PRH1: variants seen among roughly 807,000 people sequenced by gnomAD.
PRH1 encodes the protein salivary acidic proline-rich phosphoprotein 1/2.
A neutral mutation model predicts 7.9 loss-of-function variants in PRH1; 7 were observed. That is an observed-to-expected ratio of 0.89 (90% CI 0.50 to 1.67). PRH1 has a LOEUF of 1.67. PRH1 is among the 40% of genes most tolerant of loss of function. The pLI is 0.00. For synonymous variants in PRH1, 45 were observed against 80.8 expected (o/e 0.56, Z 2.38); for missense variants, 109 against 223.6 (o/e 0.49, Z 3.27).
chr12:11,157,419 C>T (rs1947286390), intron 1 of PRH1, among the ~76,000 whole-genome samples: 1 of 152,300 alleles, frequency 6.6e-6, no homozygotes, highest in East Asian at 1.9e-4. Context: ...ACAAGTCCAT[C>T]ATCAAGAGAG....
chr12:11,087,795 TTAAA>T (rs1296713986), intron 1 of PRH1, among the ~76,000 whole-genome samples: 2 of 115,098 alleles, frequency 1.7e-5, no homozygotes, highest in Non-Finnish European at 4.1e-5. Context: ...TACCATGAAC[TTAAA>T]TAAACACTCA....
chr12:11,168,455 G>A (rs1383950259), intron 1 of PRH1, among the ~76,000 whole-genome samples: 2 of 150,790 alleles, frequency 1.3e-5, no homozygotes, highest in Non-Finnish European at 3.0e-5. Flanking sequence ...AAGAAAGAAA[G>A]AGAAAAGAAA....
intron 1 of PRH1, chr12:10,997,949 T>A: frequency 1.1e-6 from 1 of 895,606 alleles, no homozygotes; most frequent in Non-Finnish European, 1.7e-6. Flanking sequence ...TTCAAGACTT[T>A]AAGTTAAATA....
At chr12:10,991,852 G>C (rs7305429) in intron 1 of PRH1, among the ~76,000 whole-genome samples, 46,042 of 151,704 alleles carry the variant, frequency 0.3, 8,781 homozygotes, top group East Asian at 0.73. Context: ...AAATAAACCA[G>C]GTTCAGTGCT....
chr12:10,897,333 T>C (rs1003558092), intron 2 of PRH1, among the ~76,000 whole-genome samples: 3 of 152,230 alleles, frequency 2.0e-5, no homozygotes, highest in African/African-American at 4.8e-5. Flanking sequence ...TTGCCTATCA[T>C]TGACATTTCT....
chr12:10,945,766 T>C (rs1950477363), intron 2 of PRH1, among the ~76,000 whole-genome samples: 3 of 152,140 alleles, frequency 2.0e-5, no homozygotes, highest in Admixed American at 2.0e-4. Context: ...CCAGAGCTTA[T>C]TTCATCCCTC....
intron 1 of PRH1, among the ~76,000 whole-genome samples, chr12:11,157,425 G>A (rs1026182651): frequency 3.3e-5 from 5 of 152,210 alleles, no homozygotes; most frequent in East Asian, 3.8e-4. Flanking sequence ...CCATCATCAA[G>A]AGAGTATGAT....
intron 2 of PRH1, chr12:10,973,635 A>G (rs775368602): frequency 1.3e-6 from 1 of 776,262 alleles, no homozygotes; most frequent in Non-Finnish European, 2.4e-6. Context: ...ATCCTGTGTT[A>G]CTTGATATGT....
intron 1 of PRH1, among the ~76,000 whole-genome samples, chr12:11,054,024 T>C (rs1033104396): frequency 6.6e-6 from 1 of 152,150 alleles, no homozygotes; most frequent in African/African-American, 2.4e-5. Context: ...TTTCACTATA[T>C]TGGCCAGGCT....
At chr12:10,926,047 ATAAT>A (rs756818882) in intron 2 of PRH1, among the ~76,000 whole-genome samples, 10 of 152,218 alleles carry the variant, frequency 6.6e-5, no homozygotes, top group Admixed American at 2.6e-4. Flanking sequence ...TAGAAATATG[ATAAT>A]TAATTGTGAA....
chr12:11,039,390 A>G (rs1354775694), intron 1 of PRH1, among the ~76,000 whole-genome samples: 13 of 152,384 alleles, frequency 8.5e-5, no homozygotes, highest in Middle Eastern at 3.4e-3. Context: ...ATAATTTCCA[A>G]AACAGCTCAA....
At chr12:11,103,913 A>G (rs1945331148) in intron 1 of PRH1, among the ~76,000 whole-genome samples, 1 of 152,004 alleles carries the variant, frequency 6.6e-6, no homozygotes, top group Non-Finnish European at 1.5e-5. Flanking sequence ...AATATGTAAT[A>G]TTTTCTTTCT....
chr12:11,090,499 C>T (rs11537120), intron 1 of PRH1, among the ~76,000 whole-genome samples: 2 of 111,024 alleles, frequency 1.8e-5, no homozygotes, highest in African/African-American at 2.9e-5. Flanking sequence ...GAAGAAATGA[C>T]GTTTCTAACT....
intron 1 of PRH1, among the ~76,000 whole-genome samples, chr12:11,167,906 C>A (rs1947628188): frequency 6.9e-6 from 1 of 145,620 alleles, no homozygotes; most frequent in Non-Finnish European, 1.5e-5. Flanking sequence ...CATGCTATAT[C>A]ATATTCTTCC....
intron 1 of PRH1, among the ~76,000 whole-genome samples, chr12:11,020,214 C>T (rs1296754486): frequency 1.3e-5 from 2 of 152,254 alleles, no homozygotes; most frequent in Non-Finnish European, 2.9e-5. Context: ...ATCCATTTAT[C>T]CAATCACTTA....
At chr12:11,156,753 T>C (rs1302181258) in intron 1 of PRH1, among the ~76,000 whole-genome samples, 2 of 152,170 alleles carry the variant, frequency 1.3e-5, no homozygotes, top group Non-Finnish European at 2.9e-5. Context: ...TACCAAATTC[T>C]TAAAGATTTT....
At chr12:10,979,763 A>G (rs574156702) in intron 1 of PRH1, among the ~76,000 whole-genome samples, 12 of 152,236 alleles carry the variant, frequency 7.9e-5, no homozygotes, top group Non-Finnish European at 1.8e-4. Context: ...AGTGACGACA[A>G]GGGATTGGAT....
downstream of PRH1, among the ~76,000 whole-genome samples, chr12:11,116,257 A>G (rs577686320): frequency 2.1e-4 from 32 of 152,164 alleles, no homozygotes; most frequent in African/African-American, 7.7e-4. Context: ...TACTATGAGC[A>G]ACTATATGCC....
chr12:10,946,256 T>C (rs1046233971), intron 2 of PRH1, among the ~76,000 whole-genome samples: 9 of 152,216 alleles, frequency 5.9e-5, no homozygotes, highest in Admixed American at 2.0e-4. Flanking sequence ...TAAGAAATTA[T>C]AAAAGTATTA....
Sources: allele counts gnomAD v4.1 joint callset (sites outside exome capture counted in the v4.1 genomes callset), GRCh38; gene constraint gnomAD v4.1.1; transcripts MANE v1.5; gene names NCBI Gene and HGNC (gene_info 2026-07-23, HGNC 2026-07-21).